AK4: variants seen among roughly 807,000 people sequenced by gnomAD.
AK4 encodes the protein adenylate kinase 4.
In AK4, 13 loss-of-function variants were observed where a neutral mutation model predicts 24.6. The ratio of observed to expected loss-of-function variants is 0.53; its 90% CI spans 0.34 to 0.84. The LOEUF is 0.84. AK4 is among the 40% of genes least tolerant of loss of function. The pLI is 0.01. For synonymous variants in AK4, 88 were observed against 107.0 expected, an observed-to-expected ratio of 0.82 and a Z score of 1.10; for missense variants, 192 against 288.2, an observed-to-expected ratio of 0.67 and a Z score of 2.42.
intron 2 of AK4, 78 bp downstream of exon 2, chr1:65,190,907 G>A (rs369833880): frequency 6.1e-6 from 9 of 1,472,098 alleles, no homozygotes; most frequent in South Asian, 2.9e-5. Flanking sequence ...ACTTCTTACC[G>A]AATGGAAAAT....
At chr1:65,190,377 C>G (rs1484867801) in intron 1 of AK4, among the ~76,000 whole-genome samples, 1 of 149,962 alleles carries the variant, frequency 6.7e-6, no homozygotes, top group African/African-American at 2.5e-5. Context: ...ATCCTCCCAC[C>G]TCATCCTCCC....
At chr1:65,156,699 A>G (rs575034589) in intron 1 of AK4, among the ~76,000 whole-genome samples, 1 of 152,074 alleles carries the variant, frequency 6.6e-6, no homozygotes, top group Admixed American at 6.5e-5. Flanking sequence ...TGAGGCGGGC[A>G]GATCATGAGG....
chr1:65,168,274 G>C (rs1293923176), intron 1 of AK4, among the ~76,000 whole-genome samples: 1 of 151,220 alleles, frequency 6.6e-6, no homozygotes, highest in East Asian at 2.0e-4. Flanking sequence ...AGCCTCCCAA[G>C]TAGCTGGGCT....
chr1:65,171,955 G>T (rs563318471), intron 1 of AK4, among the ~76,000 whole-genome samples: 1 of 150,260 alleles, frequency 6.7e-6, no homozygotes, highest in African/African-American at 2.4e-5. Context: ...CCCGCTACTC[G>T]GGAGGCTGAG....
At chr1:65,182,107 G>T (rs1404632744) in intron 1 of AK4, among the ~76,000 whole-genome samples, 5 of 152,070 alleles carry the variant, frequency 3.3e-5, no homozygotes, top group African/African-American at 7.2e-5. Context: ...TAGAGATGGG[G>T]TCTTGTTATT....
At chr1:65,219,367 A>G (rs1652228425) in intron 3 of AK4, among the ~76,000 whole-genome samples, 1 of 152,150 alleles carries the variant, frequency 6.6e-6, no homozygotes, top group Non-Finnish European at 1.5e-5. Flanking sequence ...AATTCAGGCT[A>G]CTTTTAAGAG....
intron 2 of AK4, among the ~76,000 whole-genome samples, chr1:65,212,633 C>T (rs1652005636): frequency 6.6e-6 from 1 of 152,066 alleles, no homozygotes; most frequent in South Asian, 2.1e-4. Flanking sequence ...GGACTACAGA[C>T]GGGCACTACC....
chr1:65,196,156 C>T (rs1229863417), intron 2 of AK4, among the ~76,000 whole-genome samples: 1 of 152,170 alleles, frequency 6.6e-6, no homozygotes, highest in East Asian at 1.9e-4. Flanking sequence ...TTATGTTACA[C>T]AGGCACATGC....
intron 1 of AK4, among the ~76,000 whole-genome samples, chr1:65,187,320 C>T (rs775406324): frequency 7.3e-5 from 9 of 123,896 alleles, no homozygotes; most frequent in Admixed American, 3.0e-4. Context: ...TGCACTCCAG[C>T]GTGGGTGACA....
At chr1:65,219,025 G>C in intron 3 of AK4, 99 bp downstream of exon 3, 1 of 880,814 alleles carries the variant, frequency 1.1e-6, no homozygotes, top group East Asian at 3.1e-5. Context: ...ATTCAAAAAA[G>C]AACAAATCTA....
chr1:65,221,528 C>T (rs1248366438), intron 3 of AK4, among the ~76,000 whole-genome samples: 2 of 152,180 alleles, frequency 1.3e-5, no homozygotes, highest in Admixed American at 1.3e-4. Context: ...GCCTGGGCGA[C>T]AGAGTAAGAC....
intron 1 of AK4, among the ~76,000 whole-genome samples, chr1:65,187,988 G>T (rs972311737): frequency 7.9e-5 from 12 of 152,324 alleles, no homozygotes; most frequent in Non-Finnish European, 1.6e-4. Context: ...TACTTGTCTA[G>T]TGGTAGTACT....
chr1:65,156,123 C>G (rs1649973931), intron 1 of AK4, among the ~76,000 whole-genome samples: 1 of 152,052 alleles, frequency 6.6e-6, no homozygotes, highest in Admixed American at 6.6e-5. Context: ...TTCCAATATT[C>G]AAATATAATT....
rs1491585441 is a variant in AK4 at position 65,229,678 on chromosome 1, T to TAAAA, written c.*3501_*3502insAAAA. Reference sequence around the variant, plus strand: ...CTCCTTTATGAATAGAATAAAAGACTGTCAAAGTAGGCTGGGCTTGGGCCC... The same window carrying TAAAA: ...CTCCTTTATGAATAGAATAAAAGACTAAAAGTCAAAGTAGGCTGGGCTTGGGCCC... On this transcript the variant is annotated 3_prime_UTR_variant, in exon 5 of 5. Transcript: ENST00000327299. The TAAAA allele has an allele frequency of 1.3e-5, 2 of 152,210 alleles. No homozygotes were observed. The highest frequency in any genetic ancestry group is 2.9e-5 in the Non-Finnish European group (2 of 68,030). 9.4% of individuals were successfully genotyped at this position (152,210 alleles called of 1,614,324 possible). A position where few individuals can be genotyped will look rare whatever the true frequency, so the allele number is the denominator to read the frequency against.
At position 65,226,401 on chromosome 1, in the gene AK4, A is replaced by G. The variant is rs1232699117; in HGVS notation, c.*224A>G. 1.9e-4 allele frequency: 103 copies of G among 529,304 alleles called. No homozygotes were observed. The highest frequency in any genetic ancestry group is 1.6e-5 in the Non-Finnish European group (5 of 304,502). 32.8% of individuals were successfully genotyped at this position (529,304 alleles called of 1,614,324 possible). On this transcript the variant is annotated 3_prime_UTR_variant, in exon 5 of 5. Transcript: ENST00000327299. ...CTACACATGTTTAAGGTGTCTCTGCACATGTCTCAAGCCCATCACAAGAAA... is the reference window on the plus strand; with the variant it reads ...CTACACATGTTTAAGGTGTCTCTGCGCATGTCTCAAGCCCATCACAAGAAA...
chr1:65,191,870 A>C (rs1224097639), intron 2 of AK4, among the ~76,000 whole-genome samples: 1 of 152,182 alleles, frequency 6.6e-6, no homozygotes, highest in African/African-American at 2.4e-5. Context: ...AGGGATGTCG[A>C]AGGCCTGAAT....
intron 1 of AK4, among the ~76,000 whole-genome samples, chr1:65,152,936 A>G (rs1277258356): frequency 2.6e-5 from 4 of 152,198 alleles, no homozygotes; most frequent in African/African-American, 4.8e-5. Flanking sequence ...TCAACAATGT[A>G]TCTAAAACAG....
chr1:65,165,662 C>T (rs1390013801), intron 1 of AK4, among the ~76,000 whole-genome samples: 3 of 151,920 alleles, frequency 2.0e-5, no homozygotes, highest in Non-Finnish European at 4.4e-5. Flanking sequence ...CCTCAAACTC[C>T]TTTTGGTGGC....
At position 65,148,264 on chromosome 1, in the gene AK4, C is replaced by T; in HGVS notation, c.-144C>T. ...GGGAGGGGTTGTCTTAAAAGTCTCT[C>T]CTTCCCCCTGTAGGGGCGGCCGGCG... is the stretch of plus-strand genomic sequence containing the variant. On this transcript the variant is annotated 5_prime_UTR_variant, in exon 1 of 5. Coordinates refer to ENST00000327299, the MANE Select transcript of AK4 (RefSeq NM_013410.4). The T allele has an allele frequency of 7.9e-7, 1 of 1,267,802 alleles. No homozygotes were observed. The highest frequency in any genetic ancestry group is 1.1e-6 in the Non-Finnish European group (1 of 945,708). 78.5% of individuals were successfully genotyped at this position (1,267,802 alleles called of 1,614,324 possible). A position where few individuals can be genotyped will look rare whatever the true frequency, so the allele number is the denominator to read the frequency against.
Sources: allele counts gnomAD v4.1 joint callset (sites outside exome capture counted in the v4.1 genomes callset), GRCh38; gene constraint gnomAD v4.1.1; transcripts MANE v1.5; gene names NCBI Gene and HGNC (gene_info 2026-07-23, HGNC 2026-07-21).